Variants in ACR observed in about 807,000 individuals in gnomAD.
The protein encoded by ACR is acrosin light and heavy chain prepropeptide.
ACR carries 17 observed loss-of-function variants against 26.0 expected under a neutral mutation model. That is an observed-to-expected ratio of 0.65 (90% CI 0.45 to 0.98). ACR has a LOEUF of 0.98. ACR is among the 50% of genes least tolerant of loss of function. ACR has a pLI of 0.00. For missense variants in ACR, 435 were observed against 519.3 expected (o/e 0.84, Z 1.58); for synonymous variants, 199 against 207.7 (o/e 0.96, Z 0.36).
intron 3 of ACR, among the ~76,000 whole-genome samples, chr22:50,743,266 ACCTCGTGATCCGCCCGCCTCGGCCTCC>A (rs1171471805): frequency 6.6e-6 from 1 of 151,812 alleles, no homozygotes; most frequent in African/African-American, 2.4e-5. Flanking sequence ...CGAACTCCTG[ACCTCGTGATCCGCCCGCCTCGGCCTCC>A]CAAAGTGCTG....
chr22:50,741,482 C>T (rs1287557306), intron 3 of ACR, among the ~76,000 whole-genome samples: 1 of 151,820 alleles, frequency 6.6e-6, no homozygotes, highest in Non-Finnish European at 1.5e-5. Flanking sequence ...TCTTAGGGTC[C>T]CCACTGCCAA....
chr22:50,738,950 G>A (rs2083411153), intron 1 of ACR, among the ~76,000 whole-genome samples: 1 of 151,994 alleles, frequency 6.6e-6, no homozygotes, highest in African/African-American at 2.4e-5. Flanking sequence ...CTGTCCCCAG[G>A]CCCCGCATCC....
At position 50,739,948 on chromosome 22, in the gene ACR, T is replaced by C. The variant is rs1569123419; in HGVS notation, c.536T>C (p.Val179Ala). The C allele has an allele frequency of 6.2e-7, 1 of 1,613,724 alleles. No homozygotes were observed. The highest frequency in any genetic ancestry group is 8.5e-7 in the Non-Finnish European group (1 of 1,180,004). Residue 179 changes from valine (V) to alanine (A), a missense_variant, in exon 3 of 5, where the codon GTG becomes GCG. By Grantham distance (64) the Val-to-Ala change is moderately conservative. This residue lies in a region of ACR where 314 missense variants were observed against 372.0 expected (regional missense o/e 0.84). Coordinates refer to ENST00000216139, the MANE Select transcript of ACR (RefSeq NM_001097.3). The surrounding 1 kb of genome is among the most constrained non-coding windows in gnomAD (Gnocchi z 5.5). ...GLPRGSQSCW[V>A]AGWGYIEEKA... ...CCCAGAGGCTCCCAGAGCTGCTGGGTGGCCGGCTGGGGATATATAGAAGAG... is the reference window on the plus strand; with the variant it reads ...CCCAGAGGCTCCCAGAGCTGCTGGGCGGCCGGCTGGGGATATATAGAAGAG...
Position 50,743,979 on chromosome 22 carries a change from G to A in ACR, c.566-82G>A. The A allele has an allele frequency of 3.9e-6, 4 of 1,012,932 alleles. No homozygotes were observed. In the South Asian group the frequency reaches 5.3e-5, roughly 13 times the overall value. The allele number at this position is 1,012,932 out of a possible 1,614,324, so 62.7% of individuals were successfully genotyped here. On this transcript the variant is annotated intron_variant, in intron 3 of 4. Coordinates refer to ENST00000216139, the MANE Select transcript of ACR (RefSeq NM_001097.3). ...TGAGGTTTAACTGGAGCATCACAGA[G>A]GATGGGGTTCGGTGGGGCAAGGAGG...
At chr22:50,743,214 T>A (rs2083434019) in intron 3 of ACR, among the ~76,000 whole-genome samples, 1 of 151,628 alleles carries the variant, frequency 6.6e-6, no homozygotes, top group Non-Finnish European at 1.5e-5. Context: ...TTTTTGTATT[T>A]TTAGTAGAGA....
chr22:50,738,443 C>T, intron 1 of ACR, 131 bp downstream of exon 1: 2 of 897,922 alleles, frequency 2.2e-6, no homozygotes, highest in Admixed American at 2.1e-5. Context: ...CCAGAATCAG[C>T]AGCCTGGAGC....
intron 3 of ACR, chr22:50,740,431 C>A: frequency 1.6e-6 from 1 of 609,552 alleles, no homozygotes; most frequent in South Asian, 1.9e-5. Flanking sequence ...TTTCCTAACA[C>A]CTGTGATTCC....
At chr22:50,740,177 G>C (rs756450375) in intron 3 of ACR, 200 bp downstream of exon 3, 25 of 728,360 alleles carry the variant, frequency 3.4e-5, no homozygotes, top group Non-Finnish European at 6.0e-5. Context: ...TGTCTACGGG[G>C]GGGCTGACAG....
intron 1 of ACR, 137 bp downstream of exon 1, chr22:50,738,449 G>T (rs1603447544): frequency 1.2e-6 from 1 of 846,354 alleles, no homozygotes; most frequent in East Asian, 2.7e-5. Flanking sequence ...TCAGCAGCCT[G>T]GAGCCCCCAG....
intron 3 of ACR, among the ~76,000 whole-genome samples, chr22:50,742,992 T>G (rs945769669): frequency 6.6e-6 from 1 of 152,130 alleles, no homozygotes; most frequent in Non-Finnish European, 1.5e-5. Context: ...CGCCGTAGCA[T>G]CGGGTCTTTC....
intron 3 of ACR, chr22:50,740,495 C>G: frequency 1.5e-6 from 1 of 660,694 alleles, no homozygotes; most frequent in Admixed American, 2.1e-5. Flanking sequence ...GCAGCCACCT[C>G]CGGTGCAGTC....
At chr22:50,743,251 G>T (rs905235651) in intron 3 of ACR, among the ~76,000 whole-genome samples, 1 of 152,010 alleles carries the variant, frequency 6.6e-6, no homozygotes, top group Non-Finnish European at 1.5e-5. Context: ...TAGCCAGGAT[G>T]GTCTCGAACT....
Position 50,744,981 on chromosome 22 carries a change from C to A in ACR, c.1040C>A (p.Pro347Gln). 2 of 1,022,470 alleles carry A rather than the reference C, an allele frequency of 2.0e-6. No homozygotes were observed. Among genetic ancestry groups the A allele is most frequent in the East Asian group, 2.8e-5 (1 of 36,338 alleles). The allele number at this position is 1,022,470 out of a possible 1,614,324, so 63.3% of individuals were successfully genotyped here. The change falls in exon 5 of 5, where the codon CCA (proline) becomes CAA (glutamine). Residue 347 changes from proline (P) to glutamine (Q), a missense_variant. This residue lies in a region of ACR where 92 missense variants were observed against 87.8 expected (regional missense o/e 1.05). Coordinates refer to ENST00000216139, the MANE Select transcript of ACR (RefSeq NM_001097.3). ...CCACCGGCAGCCCAGCCCCGACCCCCACCTTCACCCCCGCCCCCACCCCCA... is the reference window on the plus strand; with the variant it reads ...CCACCGGCAGCCCAGCCCCGACCCCAACCTTCACCCCCGCCCCCACCCCCA... ...PRPPAAQPRP[P>Q]PSPPPPPPPP...
chr22:50,739,251 G>A lies in ACR; in HGVS notation c.78-20G>A, dbSNP rs2083412681. ...GCTGTGCTCATGCCAGGTTTGAACT[G>A]TGCTCTGGTCTCTCCCCAGTGGCCC... On this transcript the variant is annotated intron_variant, in intron 1 of 4. Transcript: ENST00000216139. This position sits in a 1 kb window ranked among gnomAD's most constrained non-coding sequence, Gnocchi z 5.5. The A allele has an allele frequency of 1.3e-6, 2 of 1,552,926 alleles. No individual in the cohort carries two copies. The highest frequency in any genetic ancestry group is 1.7e-6 in the Non-Finnish European group (2 of 1,147,498).
At chr22:50,740,576 G>A (rs2146853916) in intron 3 of ACR, 1 of 702,412 alleles carries the variant, frequency 1.4e-6, no homozygotes, top group South Asian at 1.5e-5. Context: ...GGGGACCGGT[G>A]GTTGGTGTGG....
Position 50,744,970 on chromosome 22 carries a change from G to T in ACR, c.1029G>T (p.Gln343His). The T allele has an allele frequency of 6.2e-6, 7 of 1,128,900 alleles. No individual in the cohort carries two copies. Among genetic ancestry groups the T allele is most frequent in the Non-Finnish European group, 8.5e-6 (7 of 825,512 alleles). The allele number at this position is 1,128,900 out of a possible 1,614,324, so 69.9% of individuals were successfully genotyped here. A position where few individuals can be genotyped will look rare whatever the true frequency, so the allele number is the denominator to read the frequency against. Residue 343 changes from glutamine to histidine, a missense_variant, in exon 5 of 5, where the codon CAG becomes CAT. This residue lies in a region of ACR where 92 missense variants were observed against 87.8 expected (regional missense o/e 1.05). Coordinates refer to ENST00000216139, the MANE Select transcript of ACR (RefSeq NM_001097.3). ...TTCCACCCCGACCACCGGCAGCCCA[G>T]CCCCGACCCCCACCTTCACCCCCGC... ...RPLPPRPPAA[Q>H]PRPPPSPPPP...
chr22:50,741,618 G>A lies in ACR; in HGVS notation c.565+1641G>A, dbSNP rs186157598. ...AATAGGATCACTCTGTTTCTGTTTG[G>A]GGTTTTTTTGTTTTTCATTTTTGCA... On this transcript the variant is annotated intron_variant, in intron 3 of 4. Transcript: ENST00000216139. Among the ~76,000 whole-genome samples, 603 of 151,818 alleles carry A rather than the reference G, an allele frequency of 4.0e-3. 2 individuals carry two copies. Among genetic ancestry groups the A allele is most frequent in the Non-Finnish European group, 6.7e-3 (455 of 67,940 alleles).
At position 50,739,599 on chromosome 22, in the gene ACR, C is replaced by T. The variant is rs2083415108; in HGVS notation, c.282-95C>T. 6.4e-7 allele frequency: 1 copy of T among 1,555,300 alleles called. No individual in the cohort carries two copies. The highest frequency in any genetic ancestry group is 8.7e-7 in the Non-Finnish European group (1 of 1,144,452). On this transcript the variant is annotated intron_variant, in intron 2 of 4. Coordinates refer to ENST00000216139, the MANE Select transcript of ACR (RefSeq NM_001097.3). The surrounding 1 kb of genome is among the most constrained non-coding windows in gnomAD (Gnocchi z 5.5). ...CCAAGTGGCTGCAAGACTCCGGGGG[C>T]TGGTCCAGACCTTTGCTAGGGGAAG...
intron 4 of ACR, 143 bp downstream of exon 4, chr22:50,744,349 C>A (rs564842114): frequency 7.2e-5 from 51 of 705,904 alleles, no homozygotes; most frequent in Admixed American, 6.3e-4. Context: ...TTCCCCGGTC[C>A]CTTTTCTAGC....
Sources: gnomAD v4.1 joint callset for allele counts (sites outside exome capture counted in the v4.1 genomes callset) on GRCh38, gnomAD v4.1.1 for gene constraint, gnomAD v4.1.1 regional missense constraint, Gnocchi (gnomAD v3.1) non-coding constraint, MANE v1.5 for transcripts, NCBI Gene and HGNC (gene_info 2026-07-23, HGNC 2026-07-21) for gene names.